SLC17A5: variants seen among roughly 807,000 people sequenced by gnomAD.
SLC17A5 encodes sialin.
In SLC17A5, 47 loss-of-function variants were observed where a neutral mutation model predicts 59.4. The ratio of observed to expected loss-of-function variants is 0.79; its 90% CI spans 0.63 to 1.01. The LOEUF (loss-of-function observed/expected upper bound fraction) is 1.01. SLC17A5 is among the 50% of genes least tolerant of loss of function. The pLI, the probability that SLC17A5 is intolerant of heterozygous loss-of-function variation, is 0.00. For synonymous variants in SLC17A5, 202 were observed against 210.7 expected (o/e 0.96, Z 0.36); for missense variants, 522 against 595.5 (o/e 0.88, Z 1.28).
At chr6:73,627,795 A>T (rs1013433904) in intron 6 of SLC17A5, among the ~76,000 whole-genome samples, 1 of 151,572 alleles carries the variant, frequency 6.6e-6, no homozygotes, top group East Asian at 1.9e-4. Flanking sequence ...CACCCGGCTA[A>T]TTTTTGTATT....
At chr6:73,612,402 C>T (rs1767673186) in intron 8 of SLC17A5, among the ~76,000 whole-genome samples, 1 of 152,006 alleles carries the variant, frequency 6.6e-6, no homozygotes, top group South Asian at 2.1e-4. Flanking sequence ...ATCTGCCTGC[C>T]TCCGCCTCTG....
chr6:73,608,912 C>T (rs1767518953), intron 9 of SLC17A5, among the ~76,000 whole-genome samples: 1 of 152,160 alleles, frequency 6.6e-6, no homozygotes, highest in African/African-American at 2.4e-5. Flanking sequence ...CCCAGCGACT[C>T]AGGAGGCTGA....
In SLC17A5 at chr6:73,638,437, G is replaced by C; in HGVS notation, c.588C>G (p.Ser196Arg). 6.2e-7 allele frequency: 1 copy of C among 1,613,830 alleles called. No homozygotes were observed. The highest frequency in any genetic ancestry group is 8.5e-7 in the Non-Finnish European group (1 of 1,179,742). ...CTGCATATGAAATGCTAAGAAGTTT[G>C]CTTCTTTCAAGAGGGGGAGCCCAAG... ...WSSWAPPLERSKLLSISYAGA... is the reference protein window; with the variant it reads ...WSSWAPPLERRKLLSISYAGA... Residue 196 changes from serine to arginine, a missense_variant, in exon 4 of 11, where the codon AGC (serine) becomes AGG (arginine). Ser to Arg is a moderately radical substitution (Grantham distance 110). This residue lies in a region of SLC17A5 where 338 missense variants were observed against 363.8 expected (regional missense o/e 0.93). Transcript: ENST00000355773.
intron 6 of SLC17A5, among the ~76,000 whole-genome samples, chr6:73,629,771 G>A (rs987842560): frequency 1.3e-5 from 2 of 151,804 alleles, no homozygotes; most frequent in Admixed American, 6.6e-5. Flanking sequence ...GAACAAGAGC[G>A]AAACTCCGTC....
rs1767801018 is a variant in SLC17A5, at chr6:73,615,246, C to T, written c.1111+69G>A. 4.0e-5 allele frequency: 62 copies of T among 1,554,396 alleles called. No individual in the cohort carries two copies. In the South Asian group the frequency reaches 6.5e-4, roughly 16 times the overall value. ...AAAAGTGGGAAACACACTTTGTTTT[C>T]CTATCTCCTATAACTGTAAACATGG... On this transcript the variant is annotated intron_variant, in intron 8 of 10. Coordinates refer to ENST00000355773, the MANE Select transcript of SLC17A5 (RefSeq NM_012434.5).
At chr6:73,601,026 C>CAGT (rs1767041596) in intron 9 of SLC17A5, among the ~76,000 whole-genome samples, 1 of 144,692 alleles carries the variant, frequency 6.9e-6, no homozygotes, top group Non-Finnish European at 1.5e-5. Flanking sequence ...GTGAGGAGAC[C>CAGT]CTCTGCCTGG....
At chr6:73,613,472 TCTC>T (rs1437800481) in intron 8 of SLC17A5, among the ~76,000 whole-genome samples, 1 of 152,098 alleles carries the variant, frequency 6.6e-6, no homozygotes, top group Non-Finnish European at 1.5e-5. Flanking sequence ...TTCAAGCAAT[TCTC>T]CTGCTTCAGC....
Position 73,610,445 on chromosome 6 carries a change from A to C in SLC17A5, c.1214T>G (p.Phe405Cys). 6.2e-7 allele frequency: 1 copy of C among 1,614,188 alleles called. No homozygotes were observed. Among genetic ancestry groups the C allele is most frequent in the Non-Finnish European group, 8.5e-7 (1 of 1,180,036 alleles). ...GTTGATGCTAAATCCAGAAGAGCAA[A>C]AGCCTCCCAGTGTTGTTGATATAGT... ...FLTISTTLGG[F>C]CSSGFSINHL... is the part of the protein sequence containing the mutation. Residue 405 changes from phenylalanine to cysteine, a missense_variant, in exon 9 of 11, where the codon TTT becomes TGT. This residue lies in a region of SLC17A5 where 153 missense variants were observed against 168.5 expected (regional missense o/e 0.91). Transcript: ENST00000355773.
chr6:73,613,895 G>A (rs1741891), intron 8 of SLC17A5, among the ~76,000 whole-genome samples: 63,238 of 151,416 alleles, frequency 0.42, 13,986 homozygotes, highest in African/African-American at 0.56. Flanking sequence ...GAAGCAGCAG[G>A]ATTGCTGAAG....
chr6:73,616,132 C>G (rs1459916479), intron 7 of SLC17A5, among the ~76,000 whole-genome samples: 2 of 152,056 alleles, frequency 1.3e-5, no homozygotes, highest in East Asian at 3.9e-4. Context: ...GATCCACCCA[C>G]CTTGGCCTCC....
intron 1 of SLC17A5, among the ~76,000 whole-genome samples, chr6:73,645,840 T>G (rs1364235836): frequency 7.2e-6 from 1 of 138,554 alleles, no homozygotes; most frequent in African/African-American, 2.7e-5. Flanking sequence ...GAGGAACCAA[T>G]AAAAGGATCA....
intron 6 of SLC17A5, among the ~76,000 whole-genome samples, chr6:73,632,973 T>A (rs9446964): frequency 2.6e-5 from 4 of 151,718 alleles, no homozygotes; most frequent in Admixed American, 6.6e-5. Flanking sequence ...GGTAGGACTC[T>A]AAACTTTCAA....
In SLC17A5 at chr6:73,644,469, T is replaced by C. The variant is rs1281494685; in HGVS notation, c.229A>G (p.Asn77Asp). The C allele has an allele frequency of 6.2e-7, 1 of 1,614,094 alleles. No homozygotes were observed. The highest frequency in any genetic ancestry group is 1.7e-5 in the Admixed American group (1 of 60,024). ...MVDSNTTLED[N>D]RTSKACPEHS... ...TCTGGACACGCCTTGGAAGTTCTAT[T>C]ATCTTCTAAAGTTGTATTTGAATCT... The change falls in exon 2 of 11, where the codon AAT (asparagine) becomes GAT (aspartate). Residue 77 changes from asparagine to aspartate, a missense_variant. Asn to Asp is a conservative substitution (Grantham distance 23, BLOSUM62 1). Coordinates refer to ENST00000355773, the MANE Select transcript of SLC17A5 (RefSeq NM_012434.5).
At chr6:73,596,770 G>A (rs995364847) in intron 10 of SLC17A5, among the ~76,000 whole-genome samples, 125 of 148,474 alleles carry the variant, frequency 8.4e-4, no homozygotes, top group African/African-American at 1.9e-3. Context: ...GCAGGAGAAT[G>A]GCGTGAACCT....
At chr6:73,629,756 C>G (rs1239120726) in intron 6 of SLC17A5, among the ~76,000 whole-genome samples, 1 of 151,816 alleles carries the variant, frequency 6.6e-6, no homozygotes, top group African/African-American at 2.4e-5. Context: ...GCCTGGGCAA[C>G]AAGAGAACAA....
At chr6:73,615,880 CTTTTTTT>C (rs71674685) in intron 7 of SLC17A5, among the ~76,000 whole-genome samples, 1 of 97,580 alleles carries the variant, frequency 1.0e-5, no homozygotes, top group Non-Finnish European at 2.1e-5. Flanking sequence ...ATGAATCATT[CTTTTTTT>C]TTTTTTTTTT....
intron 3 of SLC17A5, 83 bp downstream of exon 3, chr6:73,641,608 A>T: frequency 1.8e-6 from 2 of 1,082,936 alleles, no homozygotes; most frequent in African/African-American, 1.6e-5. Context: ...TTTGGTTCAT[A>T]TTCATACCAA....
Position 73,635,370 on chromosome 6 carries a change from C to G in SLC17A5, c.819+12G>C. The G allele has an allele frequency of 2.9e-6, 4 of 1,380,874 alleles. No homozygotes were observed. Among genetic ancestry groups the G allele is most frequent in the Non-Finnish European group, 4.1e-6 (4 of 974,864 alleles). The allele number at this position is 1,380,874 out of a possible 1,614,324, so 85.5% of individuals were successfully genotyped here. The stretch of plus-strand genomic sequence containing the variant: ...TTCTGACATTATTTTTAAAATGTGT[C>G]AAAGTCCATACCTGATTTCTTAATG... On this transcript the variant is annotated intron_variant, in intron 6 of 10. Transcript: ENST00000355773.
At chr6:73,602,462 AC>A (rs1337911248) in intron 9 of SLC17A5, among the ~76,000 whole-genome samples, 2 of 151,642 alleles carry the variant, frequency 1.3e-5, no homozygotes, top group Admixed American at 1.3e-4. Context: ...AACAACAACA[AC>A]AACAACAAAA....
Sources: allele counts gnomAD v4.1 joint callset (sites outside exome capture counted in the v4.1 genomes callset), GRCh38; gene constraint gnomAD v4.1.1; regional missense constraint gnomAD v4.1.1; transcripts MANE v1.5; gene names NCBI Gene and HGNC (gene_info 2026-07-23, HGNC 2026-07-21).